Variants in PTPRD observed in about 807,000 individuals in gnomAD.
PTPRD encodes protein tyrosine phosphatase receptor type D.
In PTPRD, 34 loss-of-function variants were observed where a neutral mutation model predicts 214.5. The ratio of observed to expected loss-of-function variants is 0.16; its 90% CI spans 0.12 to 0.21. PTPRD has a LOEUF of 0.21. Ranked by LOEUF, PTPRD falls within the 10% of genes least tolerant of loss-of-function variation. The pLI is 1.00. For synonymous variants in PTPRD, 1,128 were observed against 845.7 expected, an observed-to-expected ratio of 1.33 and a Z score of -5.79; for missense variants, 2,545 against 2,398.7, an observed-to-expected ratio of 1.06 and a Z score of -1.27.
chr9:10,322,690 T>A (rs2096573856), intron 3 of PTPRD, among the ~76,000 whole-genome samples: 1 of 152,092 alleles, frequency 6.6e-6, no homozygotes. Context: ...ATGGCAATTA[T>A]CACATCAACC....
chr9:10,271,025 A>C (rs560946761), intron 3 of PTPRD, among the ~76,000 whole-genome samples: 1 of 151,982 alleles, frequency 6.6e-6, no homozygotes, highest in Non-Finnish European at 1.5e-5. Context: ...GGGTCTTGCT[A>C]TGTTGCCCAG....
At chr9:8,936,294 C>G (rs1189076838) in intron 11 of PTPRD, 1 of 147,520 alleles carries the variant, frequency 6.8e-6, no homozygotes, top group African/African-American at 2.5e-5. Flanking sequence ...GCCTGTAGTT[C>G]CAGCTCCTGG....
chr9:10,159,815 GA>G (rs112979909), intron 3 of PTPRD, among the ~76,000 whole-genome samples: 13,583 of 151,414 alleles, frequency 0.09, 722 homozygotes, highest in South Asian at 0.15. Context: ...CAGCTAGAGG[GA>G]AAAAAAAGAT....
At chr9:9,115,782 A>G (rs947031409) in intron 10 of PTPRD, among the ~76,000 whole-genome samples, 27 of 152,174 alleles carry the variant, frequency 1.8e-4, no homozygotes, top group Non-Finnish European at 3.7e-4. Context: ...GTGTATGTTC[A>G]TCAAAGCACT....
intron 14 of PTPRD, among the ~76,000 whole-genome samples, chr9:8,578,341 G>C (rs986419349): frequency 6.6e-6 from 1 of 152,058 alleles, no homozygotes; most frequent in African/African-American, 2.4e-5. Flanking sequence ...ACTGTTGATC[G>C]AACAGAGCCC....
At chr9:9,462,646 C>T (rs145398929) in intron 8 of PTPRD, among the ~76,000 whole-genome samples, 1 of 152,128 alleles carries the variant, frequency 6.6e-6, no homozygotes, top group Non-Finnish European at 1.5e-5. Flanking sequence ...ATCCTTCTCC[C>T]TTATGTTCAA....
chr9:10,367,814 G>A (rs755801033), intron 2 of PTPRD, among the ~76,000 whole-genome samples: 1 of 151,980 alleles, frequency 6.6e-6, no homozygotes, highest in Non-Finnish European at 1.5e-5. Context: ...TTCAGACAAT[G>A]CTTGATTGGA....
chr9:8,836,782 G>C (rs10977315), intron 11 of PTPRD, among the ~76,000 whole-genome samples: 7 of 151,406 alleles, frequency 4.6e-5, no homozygotes, highest in South Asian at 4.2e-4. Context: ...ATTTTTATTA[G>C]AGATGGGGTT....
intron 2 of PTPRD, among the ~76,000 whole-genome samples, chr9:10,440,371 T>A (rs2098750837): frequency 6.6e-6 from 1 of 151,788 alleles, no homozygotes; most frequent in East Asian, 1.9e-4. Context: ...CAATTTGCTA[T>A]AAAATATACA....
rs73641263 is a variant in PTPRD at position 9,220,936 on chromosome 9, G to C, written c.-202-37573C>G. On this transcript the variant is annotated intron_variant, in intron 9 of 45. Coordinates refer to ENST00000381196, the MANE Select transcript of PTPRD (RefSeq NM_002839.4). ...AACCTGGTGTATGAGTAGGAAAGTAGGGGGAGGCTAACTGATTGGCAGCAG... is the reference window on the plus strand; with the variant it reads ...AACCTGGTGTATGAGTAGGAAAGTACGGGGAGGCTAACTGATTGGCAGCAG... Among the ~76,000 whole-genome samples the C allele has an allele frequency of 3.6e-3, 543 of 152,194 alleles. 4 individuals are homozygous for C. The highest frequency in any genetic ancestry group is 0.012 in the African/African-American group (507 of 41,542).
chr9:10,053,522 G>A (rs1323787766), intron 3 of PTPRD, among the ~76,000 whole-genome samples: 1 of 152,058 alleles, frequency 6.6e-6, no homozygotes, highest in African/African-American at 2.4e-5. Flanking sequence ...GGTAAATACT[G>A]GAAGCATATA....
chr9:10,089,162 G>C (rs574948786), intron 3 of PTPRD, among the ~76,000 whole-genome samples: 3 of 150,564 alleles, frequency 2.0e-5, no homozygotes, highest in African/African-American at 7.3e-5. Context: ...AGCTATGATA[G>C]TGCCAAGCAT....
At chr9:9,626,246 G>T (rs192696389) in intron 7 of PTPRD, among the ~76,000 whole-genome samples, 26 of 152,268 alleles carry the variant, frequency 1.7e-4, no homozygotes, top group African/African-American at 6.0e-4. Context: ...TATATCTGCC[G>T]GTGGTAGTGC....
At chr9:8,751,295 G>A (rs1171588696) in intron 11 of PTPRD, among the ~76,000 whole-genome samples, 3 of 151,426 alleles carry the variant, frequency 2.0e-5, no homozygotes, top group African/African-American at 4.9e-5. Context: ...CCTGAAAAAC[G>A]CAAATGGAAA....
intron 3 of PTPRD, among the ~76,000 whole-genome samples, chr9:10,086,544 T>C (rs1050663075): frequency 4.0e-5 from 6 of 151,812 alleles, no homozygotes; most frequent in Non-Finnish European, 7.4e-5. Context: ...CTAGCTGTTA[T>C]AAACTTGGAC....
intron 4 of PTPRD, among the ~76,000 whole-genome samples, chr9:10,025,254 A>G (rs10958826): frequency 0.068 from 10,306 of 152,188 alleles, 433 homozygotes; most frequent in East Asian, 0.14. Flanking sequence ...CCAACAGTGT[A>G]AAAGTGTTCC....
intron 9 of PTPRD, among the ~76,000 whole-genome samples, chr9:9,198,473 C>T (rs1477539008): frequency 6.6e-6 from 1 of 152,006 alleles, no homozygotes; most frequent in African/African-American, 2.4e-5. Context: ...ACTTTTAGAA[C>T]TGACACATGC....
intron 9 of PTPRD, among the ~76,000 whole-genome samples, chr9:9,195,240 T>TTAC (rs2099937821): frequency 6.6e-6 from 1 of 151,614 alleles, no homozygotes; most frequent in Non-Finnish European, 1.5e-5. Flanking sequence ...AGGTAACTTA[T>TTAC]GTGGAATCTC....
At chr9:9,832,868 A>T (rs889944389) in intron 5 of PTPRD, among the ~76,000 whole-genome samples, 1 of 150,286 alleles carries the variant, frequency 6.7e-6, no homozygotes, top group African/African-American at 2.5e-5. Context: ...GAATTCAATT[A>T]AAGAATGGGA....
Sources: gnomAD v4.1 joint callset for allele counts (sites outside exome capture counted in the v4.1 genomes callset) on GRCh38, gnomAD v4.1.1 for gene constraint, MANE v1.5 for transcripts, NCBI Gene and HGNC (gene_info 2026-07-23, HGNC 2026-07-21) for gene names.